VPS50: variants seen among roughly 807,000 people sequenced by gnomAD.
VPS50 encodes VPS50 subunit of EARP/GARPII complex, also known as syndetin.
VPS50 carries 70 observed loss-of-function variants against 139.7 expected under a neutral mutation model. The observed-to-expected ratio is 0.50, with a 90% CI of 0.41 to 0.61. The LOEUF (loss-of-function observed/expected upper bound fraction) is 0.61, where lower values mean the gene tolerates loss of function less well. Ranked by LOEUF, VPS50 falls within the 20% of genes least tolerant of loss-of-function variation. The probability of loss-of-function intolerance (pLI) is 0.00; values close to 1 mark genes in which losing one functional copy is unlikely to be tolerated. For missense variants in VPS50, 921 were observed against 1,133.7 expected (o/e 0.81, Z 2.69); for synonymous variants, 365 against 376.7 (o/e 0.97, Z 0.36).
At chr7:93,254,818 T>A (rs1795440294) in intron 4 of VPS50, among the ~76,000 whole-genome samples, 1 of 152,206 alleles carries the variant, frequency 6.6e-6, no homozygotes, top group Non-Finnish European at 1.5e-5. Context: ...AGCATGTGTA[T>A]TAATTTTTTT....
At chr7:93,285,257 CCCT>C (rs1258775773) in intron 12 of VPS50, among the ~76,000 whole-genome samples, 1 of 152,056 alleles carries the variant, frequency 6.6e-6, no homozygotes, top group Non-Finnish European at 1.5e-5. Flanking sequence ...AACATCTGTT[CCCT>C]TTATGTTTGT....
At position 93,240,265 on chromosome 7, in the gene VPS50, TC is replaced by T. The variant is rs1554357051; in HGVS notation, c.102+332del. Reference sequence around the variant, plus strand: ...CACACACACACTCTCTCTCTCTCTCTCTCTCATTGATTTATCTGCTGTAATT... The same window carrying T: ...CACACACACACTCTCTCTCTCTCTCTTCTCATTGATTTATCTGCTGTAATT... On this transcript the variant is annotated intron_variant, in intron 2 of 27. Transcript: ENST00000305866. Among the ~76,000 whole-genome samples, 1,488 of 150,658 alleles carry T rather than the reference TC, an allele frequency of 9.9e-3. 31 individuals are homozygous for T. Among genetic ancestry groups the T allele is most frequent in the African/African-American group, 0.034 (1,372 of 40,560 alleles).
intron 12 of VPS50, among the ~76,000 whole-genome samples, chr7:93,287,451 A>G (rs77480674): frequency 0.015 from 2,250 of 151,614 alleles, 69 homozygotes; most frequent in African/African-American, 0.052. Flanking sequence ...AAATAGGCAT[A>G]TAATGAGCTG....
intron 21 of VPS50, among the ~76,000 whole-genome samples, chr7:93,325,159 G>A (rs1488995574): frequency 6.6e-6 from 1 of 152,116 alleles, no homozygotes; most frequent in Non-Finnish European, 1.5e-5. Context: ...ACAACTATCT[G>A]ATCTTTGACA....
rs1029181310 is a variant in VPS50 at position 93,259,479 on chromosome 7, G to T, written c.577-71G>T. ...AACTTTTGGTTAGAATATGAACAGA[G>T]ATTTTTTTTTATCAGGGGCTTTAAG... is the stretch of plus-strand genomic sequence containing the variant. On this transcript the variant is annotated intron_variant, in intron 8 of 27. Transcript: ENST00000305866. The T allele has an allele frequency of 1.4e-5, 11 of 780,036 alleles. No individual in the cohort carries two copies. The East Asian group carries it at 2.3e-4, about 16-fold the overall frequency. The allele number at this position is 780,036 out of a possible 1,614,324, so 48.3% of individuals were successfully genotyped here. A position where few individuals can be genotyped will look rare whatever the true frequency, so the allele number is the denominator to read the frequency against.
At position 93,311,250 on chromosome 7, in the gene VPS50, A is replaced by G; in HGVS notation, c.1833A>G (p.Thr611=). 1 of 1,245,360 alleles carries G rather than the reference A, an allele frequency of 8.0e-7. No homozygotes were observed. Among genetic ancestry groups the G allele is most frequent in the Non-Finnish European group, 1.2e-6 (1 of 843,768 alleles). 77.1% of individuals were successfully genotyped at this position (1,245,360 alleles called of 1,614,324 possible). A position where few individuals can be genotyped will look rare whatever the true frequency, so the allele number is the denominator to read the frequency against. ...ATGCACCTATCTTAACAAATACAAC[A>G]TTGAACGTCATAAGACTTGTTGGTA... is the stretch of plus-strand genomic sequence containing the variant. ...KVNAPILTNT[T]LNVIRLVGKY... Residue 611 remains threonine (T), a synonymous_variant, in exon 20 of 28, where the codon ACA becomes ACG. Coordinates refer to ENST00000305866, the MANE Select transcript of VPS50 (RefSeq NM_017667.4).
chr7:93,341,624 T>C (rs1048077793), intron 23 of VPS50, 49 bp downstream of exon 23: 3 of 1,338,024 alleles, frequency 2.2e-6, no homozygotes, highest in East Asian at 4.8e-5. Flanking sequence ...TAAGAAACTT[T>C]ATAAAAGAAG....
At chr7:93,257,764 CTGTG>C in intron 6 of VPS50, 1 of 254,334 alleles carries the variant, frequency 3.9e-6, no homozygotes, top group Non-Finnish European at 7.3e-6. Flanking sequence ...CTGTTACAGG[CTGTG>C]ATTTTTTAAA....
chr7:93,241,270 T>A (rs1281411157), intron 2 of VPS50, among the ~76,000 whole-genome samples: 7 of 152,026 alleles, frequency 4.6e-5, no homozygotes, highest in Admixed American at 3.3e-4. Context: ...GGTGATCTCA[T>A]TACAAAGTCT....
intron 11 of VPS50, among the ~76,000 whole-genome samples, chr7:93,275,070 A>T (rs1796113682): frequency 6.6e-6 from 1 of 152,182 alleles, no homozygotes; most frequent in Admixed American, 6.5e-5. Flanking sequence ...GAGCCTGAAG[A>T]TGTGACTGAA....
At chr7:93,243,855 T>C (rs1246560637) in intron 2 of VPS50, among the ~76,000 whole-genome samples, 1 of 151,934 alleles carries the variant, frequency 6.6e-6, no homozygotes, top group Non-Finnish European at 1.5e-5. Context: ...CATCCAGCCT[T>C]TATTAATATA....
At position 93,349,922 on chromosome 7, in the gene VPS50, A is replaced by G; in HGVS notation, c.2352A>G (p.Val784=). The change falls in exon 25 of 28, where the codon GTA becomes GTG. Residue 784 remains valine, a synonymous_variant. Transcript: ENST00000305866. The stretch of plus-strand genomic sequence containing the variant: ...TACGGAAACCAATTTACTGGATTGT[A>G]GCTGGTAAAGCCCTTGATTATGAAC... ...SELRKPIYWI[V]AGKALDYEQM... 6.2e-7 allele frequency: 1 copy of G among 1,613,602 alleles called. No homozygotes were observed. The highest frequency in any genetic ancestry group is 8.5e-7 in the Non-Finnish European group (1 of 1,179,616).
intron 16 of VPS50, 94 bp from the exon 17 acceptor site, chr7:93,303,366 C>G: frequency 2.0e-6 from 1 of 511,480 alleles, no homozygotes; most frequent in East Asian, 3.0e-5. Context: ...GACAATAATC[C>G]TATAATTATT....
At chr7:93,256,786 G>T (rs1795497093) in intron 5 of VPS50, among the ~76,000 whole-genome samples, 1 of 152,024 alleles carries the variant, frequency 6.6e-6, no homozygotes. Context: ...ATTCTAAAGT[G>T]ATCTCTTGGG....
intron 12 of VPS50, among the ~76,000 whole-genome samples, chr7:93,278,433 CAA>C (rs544585879): frequency 2.1e-5 from 3 of 141,528 alleles, no homozygotes; most frequent in African/African-American, 5.1e-5. Flanking sequence ...ACTAAAAATA[CAA>C]AAAAAAAAAA....
chr7:93,338,659 G>A (rs1209566472), intron 22 of VPS50, among the ~76,000 whole-genome samples: 1 of 152,152 alleles, frequency 6.6e-6, no homozygotes, highest in Non-Finnish European at 1.5e-5. Context: ...CAGTGTTTTA[G>A]GCTAGAGTCA....
intron 23 of VPS50, among the ~76,000 whole-genome samples, chr7:93,344,931 G>A (rs1346835407): frequency 6.6e-6 from 1 of 151,898 alleles, no homozygotes; most frequent in Non-Finnish European, 1.5e-5. Flanking sequence ...AGAAAAGCAA[G>A]AGCAAACACA....
intron 19 of VPS50, among the ~76,000 whole-genome samples, chr7:93,310,714 C>A (rs542226966): frequency 1.3e-5 from 2 of 151,774 alleles, no homozygotes. Flanking sequence ...TATTTTATGC[C>A]GGCCCTTTTT....
chr7:93,237,117 A>G (rs1562843189), intron 1 of VPS50, among the ~76,000 whole-genome samples: 1 of 139,720 alleles, frequency 7.2e-6, no homozygotes, highest in East Asian at 2.1e-4. Context: ...CGCCCGGCTA[A>G]TTTTTTTTTT....
Sources: gnomAD v4.1 joint callset for allele counts (sites outside exome capture counted in the v4.1 genomes callset) on GRCh38, gnomAD v4.1.1 for gene constraint, MANE v1.5 for transcripts, NCBI Gene and HGNC (gene_info 2026-07-23, HGNC 2026-07-21) for gene names.